Variants in CCDC85A observed in about 807,000 individuals in gnomAD.
CCDC85A encodes coiled-coil domain-containing protein 85A.
Under a neutral mutation model 50.2 loss-of-function variants are expected in CCDC85A, and 38 were observed. The ratio of observed to expected loss-of-function variants is 0.76; its 90% CI spans 0.58 to 0.99. CCDC85A has a LOEUF of 0.99. CCDC85A is among the 50% of genes least tolerant of loss of function. The pLI is 0.00. For missense variants in CCDC85A, 820 were observed against 742.0 expected, an observed-to-expected ratio of 1.11 and a Z score of -1.22; for synonymous variants, 366 against 301.4, an observed-to-expected ratio of 1.21 and a Z score of -2.22.
chr2:56,238,221 G>C (rs1237906519), intron 2 of CCDC85A, among the ~76,000 whole-genome samples: 2 of 152,054 alleles, frequency 1.3e-5, no homozygotes, highest in Non-Finnish European at 2.9e-5. Flanking sequence ...CTTGAGACCA[G>C]CCTGGCCAAC....
chr2:56,241,352 TTA>T (rs1669249638), intron 2 of CCDC85A, among the ~76,000 whole-genome samples: 2 of 152,294 alleles, frequency 1.3e-5, no homozygotes, highest in African/African-American at 4.8e-5. Flanking sequence ...TTAGGTTTTT[TTA>T]AAATGTACAA....
At chr2:56,290,880 A>G (rs748164870) in intron 2 of CCDC85A, among the ~76,000 whole-genome samples, 4 of 152,214 alleles carry the variant, frequency 2.6e-5, no homozygotes, top group Non-Finnish European at 5.9e-5. Flanking sequence ...ATCTTGGGTT[A>G]AAACAAAGTC....
At chr2:56,367,895 C>T (rs1056450369) in intron 3 of CCDC85A, among the ~76,000 whole-genome samples, 29 of 151,978 alleles carry the variant, frequency 1.9e-4, no homozygotes, top group African/African-American at 4.8e-4. Context: ...ATAGAGTGAC[C>T]GTACCATTTT....
intron 2 of CCDC85A, among the ~76,000 whole-genome samples, chr2:56,319,848 C>T (rs1673087248): frequency 6.6e-6 from 1 of 152,084 alleles, no homozygotes; most frequent in African/African-American, 2.4e-5. Context: ...AGTGCAGAGA[C>T]CACATCACAC....
chr2:56,365,610 C>G (rs1675752152), intron 3 of CCDC85A, among the ~76,000 whole-genome samples: 1 of 152,110 alleles, frequency 6.6e-6, no homozygotes, highest in Admixed American at 6.6e-5. Context: ...ACCAGGCCCA[C>G]AGTTAGTATC....
chr2:56,184,095 C>G lies in CCDC85A; in HGVS notation c.-530C>G. ...GAGCGCAGCAGCCTTCGGGCAGCCG[C>G]GGCGGCGTCGCTAGAGCAGCCGGGG... On this transcript the variant is annotated 5_prime_UTR_variant, in exon 1 of 6. Coordinates refer to ENST00000407595, the MANE Select transcript of CCDC85A (RefSeq NM_001080433.2). The G allele has an allele frequency of 3.0e-6, 3 of 985,482 alleles. No individual in the cohort carries two copies. Among genetic ancestry groups the G allele is most frequent in the Non-Finnish European group, 3.6e-6 (3 of 830,082 alleles). The allele number at this position is 985,482 out of a possible 1,614,324, so 61.0% of individuals were successfully genotyped here.
rs111601376 is a variant in CCDC85A at position 56,206,124 on chromosome 2, AT to A, written c.1240+12688del. On this transcript the variant is annotated intron_variant, in intron 2 of 5. Coordinates refer to ENST00000407595, the MANE Select transcript of CCDC85A (RefSeq NM_001080433.2). ...GGTATTTGTTAGGTGGTGGCAGATA[AT>A]TTTGGAAAGTGAGTCAAGGCCAGAT... Among the ~76,000 whole-genome samples the A allele has an allele frequency of 5.5e-3, 845 of 152,264 alleles. 5 individuals carry two copies. Among genetic ancestry groups the A allele is most frequent in the African/African-American group, 0.019 (792 of 41,542 alleles).
At chr2:56,247,105 T>C (rs1275895394) in intron 2 of CCDC85A, among the ~76,000 whole-genome samples, 1 of 152,202 alleles carries the variant, frequency 6.6e-6, no homozygotes, top group Non-Finnish European at 1.5e-5. Context: ...GGTTATGCTA[T>C]AGTGCAGGTT....
At chr2:56,253,453 G>T (rs1487972047) in intron 2 of CCDC85A, among the ~76,000 whole-genome samples, 1 of 152,088 alleles carries the variant, frequency 6.6e-6, no homozygotes, top group Non-Finnish European at 1.5e-5. Flanking sequence ...GAAAGAGAAG[G>T]GCTCCTAGTA....
chr2:56,199,179 G>T (rs1376302081), intron 2 of CCDC85A, among the ~76,000 whole-genome samples: 1 of 152,120 alleles, frequency 6.6e-6, no homozygotes, highest in East Asian at 1.9e-4. Context: ...ATTTCATCAG[G>T]TCACAGCTTT....
chr2:56,317,037 A>C (rs990851379), intron 2 of CCDC85A, among the ~76,000 whole-genome samples: 9 of 152,070 alleles, frequency 5.9e-5, no homozygotes, highest in African/African-American at 2.2e-4. Context: ...TTTTAGCTTC[A>C]AATATTGGGA....
chr2:56,335,566 T>C (rs1674030320), intron 2 of CCDC85A, among the ~76,000 whole-genome samples: 1 of 151,746 alleles, frequency 6.6e-6, no homozygotes, highest in Admixed American at 6.6e-5. Context: ...CATCATGTCA[T>C]GGCTGAAGGT....
intron 2 of CCDC85A, among the ~76,000 whole-genome samples, chr2:56,326,564 A>T (rs902514724): frequency 5.3e-5 from 8 of 152,122 alleles, no homozygotes; most frequent in African/African-American, 1.9e-4. Context: ...GTGTTTCTAA[A>T]ATTAAAAGGC....
intron 3 of CCDC85A, among the ~76,000 whole-genome samples, chr2:56,358,147 C>T (rs544725036): frequency 1.3e-5 from 2 of 152,270 alleles, no homozygotes; most frequent in Admixed American, 6.5e-5. Flanking sequence ...ATGACACTAT[C>T]ACCACTACCT....
At chr2:56,225,701 A>T (rs1668513762) in intron 2 of CCDC85A, among the ~76,000 whole-genome samples, 1 of 152,170 alleles carries the variant, frequency 6.6e-6, no homozygotes, top group Non-Finnish European at 1.5e-5. Context: ...AAGGGATTGC[A>T]TTGAATCTGT....
intron 2 of CCDC85A, among the ~76,000 whole-genome samples, chr2:56,323,647 G>A (rs1668396646): frequency 6.6e-6 from 1 of 152,164 alleles, no homozygotes; most frequent in East Asian, 1.9e-4. Flanking sequence ...ACACAATCAT[G>A]TTGGTTATCA....
At chr2:56,285,912 A>G (rs1671421977) in intron 2 of CCDC85A, among the ~76,000 whole-genome samples, 1 of 151,850 alleles carries the variant, frequency 6.6e-6, no homozygotes, top group African/African-American at 2.4e-5. Context: ...TTGGATATAA[A>G]TCTTCTTAGG....
chr2:56,371,003 A>T (rs756139056), intron 3 of CCDC85A, among the ~76,000 whole-genome samples: 32 of 152,102 alleles, frequency 2.1e-4, no homozygotes, highest in Non-Finnish European at 4.1e-4. Flanking sequence ...GGAGGTGAGT[A>T]TTAAGCTGTG....
chr2:56,303,199 G>T (rs1045381452), intron 2 of CCDC85A, among the ~76,000 whole-genome samples: 3 of 152,116 alleles, frequency 2.0e-5, no homozygotes, highest in African/African-American at 7.2e-5. Flanking sequence ...TTCGGAGTGC[G>T]CTTTTTGAGG....
Sources: allele counts gnomAD v4.1 joint callset (sites outside exome capture counted in the v4.1 genomes callset), GRCh38; gene constraint gnomAD v4.1.1; transcripts MANE v1.5; gene names NCBI Gene and HGNC (gene_info 2026-07-23, HGNC 2026-07-21).